Variants in RTN1 observed in about 807,000 individuals in gnomAD.
RTN1 encodes reticulon 1.
In RTN1, 25 loss-of-function variants were observed where a neutral mutation model predicts 65.5. The ratio of observed to expected loss-of-function variants is 0.38; its 90% CI spans 0.28 to 0.53. The LOEUF (loss-of-function observed/expected upper bound fraction) is 0.53, where lower values mean the gene tolerates loss of function less well. Among genes scored for constraint, RTN1 ranks in the 20% least tolerant of loss-of-function variants. RTN1 has a pLI of 0.79. For synonymous variants in RTN1, 471 were observed against 447.6 expected, an observed-to-expected ratio of 1.05 and a Z score of -0.66; for missense variants, 983 against 1,025.4, an observed-to-expected ratio of 0.96 and a Z score of 0.57.
intron 3 of RTN1, among the ~76,000 whole-genome samples, chr14:59,610,542 A>G (rs1209149166): frequency 1.3e-5 from 2 of 152,228 alleles, no homozygotes; most frequent in African/African-American, 2.4e-5. Flanking sequence ...CCTTTGCAAA[A>G]TTATGACTGA....
intron 1 of RTN1, among the ~76,000 whole-genome samples, chr14:59,755,954 C>T (rs1057357613): frequency 3.3e-5 from 5 of 152,196 alleles, no homozygotes; most frequent in African/African-American, 9.7e-5. Context: ...TAATAGATTT[C>T]GCTTTTGGTT....
chr14:59,780,600 G>A lies in RTN1; in HGVS notation c.242-34119C>T, dbSNP rs190322901. Among the ~76,000 whole-genome samples the A allele has an allele frequency of 1.6e-3, 237 of 152,298 alleles. 2 individuals are homozygous for A. The highest frequency in any genetic ancestry group is 4.8e-3 in the African/African-American group (199 of 41,572). On this transcript the variant is annotated intron_variant, in intron 1 of 8. Transcript: ENST00000267484. ...TACAGAAAGCAAGAGCCAAGGTCTA[G>A]GGCAAATCTCAGATGTCACAGACTA...
chr14:59,841,996 C>T (rs942016707), intron 1 of RTN1, among the ~76,000 whole-genome samples: 47 of 151,506 alleles, frequency 3.1e-4, no homozygotes, highest in African/African-American at 1.1e-3. Context: ...CATGGTGGTG[C>T]GTGCCTGTAG....
intron 3 of RTN1, among the ~76,000 whole-genome samples, chr14:59,676,019 T>C (rs1883619872): frequency 6.6e-6 from 1 of 152,202 alleles, no homozygotes. Context: ...ACTTTCATTA[T>C]TCTCTTTGTT....
At chr14:59,817,734 T>A (rs1395089305) in intron 1 of RTN1, among the ~76,000 whole-genome samples, 1 of 152,166 alleles carries the variant, frequency 6.6e-6, no homozygotes, top group Non-Finnish European at 1.5e-5. Flanking sequence ...TGTCCTGCCA[T>A]GCATAATGTC....
intron 3 of RTN1, among the ~76,000 whole-genome samples, chr14:59,626,508 C>T (rs1882403811): frequency 6.6e-6 from 1 of 152,152 alleles, no homozygotes; most frequent in South Asian, 2.1e-4. Flanking sequence ...ACAGTGAGAT[C>T]TGGGGAGAAA....
At chr14:59,607,537 G>A (rs1404673161) in intron 3 of RTN1, 45 bp from the exon 4 acceptor site, 13 of 1,499,216 alleles carry the variant, frequency 8.7e-6, no homozygotes, top group Admixed American at 1.9e-5. Context: ...CCGCAGTGCC[G>A]CCACATGAGC....
intron 5 of RTN1, chr14:59,604,201 G>A (rs570330986): frequency 3.4e-5 from 7 of 208,322 alleles, no homozygotes; most frequent in African/African-American, 1.4e-4. Context: ...ATAGGCCCAC[G>A]AGTTAATAAA....
chr14:59,655,107 G>A (rs55710285), intron 3 of RTN1, among the ~76,000 whole-genome samples: 53,887 of 151,938 alleles, frequency 0.35, 11,299 homozygotes, highest in East Asian at 0.47. Flanking sequence ...ACATCCAGCA[G>A]TTTACAGAAT....
At chr14:59,785,618 T>C (rs191101279) in intron 1 of RTN1, among the ~76,000 whole-genome samples, 4 of 152,386 alleles carry the variant, frequency 2.6e-5, no homozygotes, top group East Asian at 3.9e-4. Flanking sequence ...CTTTATTATT[T>C]AGTATCCACC....
intron 2 of RTN1, among the ~76,000 whole-genome samples, chr14:59,733,220 T>A (rs1014080996): frequency 2.6e-5 from 4 of 152,044 alleles, no homozygotes; most frequent in African/African-American, 4.8e-5. Context: ...GACTCCAGAG[T>A]AGCTGGGATT....
intron 3 of RTN1, among the ~76,000 whole-genome samples, chr14:59,669,966 A>T (rs1001626453): frequency 2.0e-5 from 3 of 152,228 alleles, no homozygotes; most frequent in Admixed American, 2.0e-4. Context: ...TCTCACCATG[A>T]ATGAGTTAGA....
rs1466085706 is a variant in RTN1, at chr14:59,632,560, G to A, written c.1766-25068C>T. 3.2e-5 allele frequency among the ~76,000 whole-genome samples: 4 copies of A among 126,372 alleles called. No individual in the cohort carries two copies. In the Admixed American group the frequency reaches 3.5e-4, roughly 11 times the overall value. The allele number at this position is 126,372 out of a possible 152,430, so 82.9% of individuals were successfully genotyped here. A position where few individuals can be genotyped will look rare whatever the true frequency, so the allele number is the denominator to read the frequency against. Reference sequence around the variant, plus strand: ...CTGTGGCCACTAGGAGGCACTGCCAGTCCAATGATAGCCCCAGTTATCATT... The same window carrying A: ...CTGTGGCCACTAGGAGGCACTGCCAATCCAATGATAGCCCCAGTTATCATT... On this transcript the variant is annotated intron_variant, in intron 3 of 8. Transcript: ENST00000267484.
chr14:59,683,068 C>T (rs1883776944), intron 3 of RTN1, among the ~76,000 whole-genome samples: 1 of 152,152 alleles, frequency 6.6e-6, no homozygotes, highest in Non-Finnish European at 1.5e-5. Context: ...AATCCCATTT[C>T]TCCTTACTAA....
At chr14:59,754,300 GTTTTA>G (rs1224510970) in intron 1 of RTN1, among the ~76,000 whole-genome samples, 1 of 152,160 alleles carries the variant, frequency 6.6e-6, no homozygotes, top group Non-Finnish European at 1.5e-5. Flanking sequence ...AAGGGTAGGT[GTTTTA>G]TTTTATTTTA....
At chr14:59,785,461 T>G (rs959733363) in intron 1 of RTN1, among the ~76,000 whole-genome samples, 3 of 152,182 alleles carry the variant, frequency 2.0e-5, no homozygotes, top group Non-Finnish European at 4.4e-5. Flanking sequence ...CCAAGGTAAA[T>G]TTTGTCATCT....
chr14:59,663,456 G>C (rs1883295294), intron 3 of RTN1, among the ~76,000 whole-genome samples: 1 of 152,028 alleles, frequency 6.6e-6, no homozygotes, highest in African/African-American at 2.4e-5. Flanking sequence ...CAAAAGCAAT[G>C]GCAACAAAAG....
At chr14:59,749,136 ATCTATCTATC>A (rs1566710880) in intron 1 of RTN1, among the ~76,000 whole-genome samples, 1,136 of 109,660 alleles carry the variant, frequency 0.01, 303 homozygotes, top group African/African-American at 0.045. Flanking sequence ...ATATATCTAT[ATCTATCTATC>A]TATCTATCTA....
chr14:59,603,110 T>C lies in RTN1; in HGVS notation c.2243A>G (p.Gln748Arg), dbSNP rs930459329. 6.2e-7 allele frequency: 1 copy of C among 1,613,464 alleles called. No homozygotes were observed. The highest frequency in any genetic ancestry group is 2.2e-5 in the East Asian group (1 of 44,792). ...GTGAGTCCTCACAAGTCCCAGATATTGGTCAATCTGTGCCTACATAAAGAA... is the reference window on the plus strand; with the variant it reads ...GTGAGTCCTCACAAGTCCCAGATATCGGTCAATCTGTGCCTACATAAAGAA... ...VYVKHQAQID[Q>R]YLGLVRTHIN... Residue 748 changes from glutamine to arginine, a missense_variant, in exon 8 of 9, where the codon CAA becomes CGA. Gln to Arg is a conservative substitution (Grantham distance 43). This residue lies in a region of RTN1 where 165 missense variants were observed against 223.6 expected (regional missense o/e 0.74). Coordinates refer to ENST00000267484, the MANE Select transcript of RTN1 (RefSeq NM_021136.3).
Sources: allele counts gnomAD v4.1 joint callset (sites outside exome capture counted in the v4.1 genomes callset), GRCh38; gene constraint gnomAD v4.1.1; regional missense constraint gnomAD v4.1.1; transcripts MANE v1.5; gene names NCBI Gene and HGNC (gene_info 2026-07-23, HGNC 2026-07-21).